The following NAALADL2 variants were observed in gnomAD, a reference collection of about 807,000 sequenced individuals.
NAALADL2 encodes the protein inactive N-acetylated-alpha-linked acidic dipeptidase-like protein 2.
A neutral mutation model predicts 87.2 loss-of-function variants in NAALADL2; 76 were observed. The observed-to-expected ratio is 0.87, with a 90% CI of 0.72 to 1.05. The LOEUF is 1.05. NAALADL2 is among the 50% of genes least tolerant of loss of function. The pLI is 0.00. For synonymous variants in NAALADL2, 354 were observed against 331.0 expected, an observed-to-expected ratio of 1.07 and a Z score of -0.75; for missense variants, 1,089 against 945.8, an observed-to-expected ratio of 1.15 and a Z score of -1.99.
chr3:175,354,647 T>G (rs187263865), intron 5 of NAALADL2, among the ~76,000 whole-genome samples: 178 of 152,132 alleles, frequency 1.2e-3, no homozygotes, highest in African/African-American at 3.9e-3. Context: ...ACATATACTA[T>G]TATTTTTGTT....
intron 12 of NAALADL2, among the ~76,000 whole-genome samples, chr3:175,739,613 G>T (rs889948688): frequency 6.6e-6 from 1 of 151,998 alleles, no homozygotes; most frequent in African/African-American, 2.4e-5. Context: ...AATCCCCATG[G>T]ACTTCACATC....
intron 1 of NAALADL2, among the ~76,000 whole-genome samples, chr3:174,546,961 G>T (rs1199169408): frequency 6.6e-6 from 1 of 152,020 alleles, no homozygotes; most frequent in East Asian, 1.9e-4. Context: ...AAATTTCCCA[G>T]TTCTTATTTT....
At chr3:175,272,237 A>G (rs1336361736) in intron 4 of NAALADL2, among the ~76,000 whole-genome samples, 2 of 152,206 alleles carry the variant, frequency 1.3e-5, no homozygotes, top group Non-Finnish European at 2.9e-5. Context: ...GGCAAATTCT[A>G]TACTTTTTAA....
At chr3:174,716,739 C>A (rs1303897230) in intron 2 of NAALADL2, among the ~76,000 whole-genome samples, 1 of 151,960 alleles carries the variant, frequency 6.6e-6, no homozygotes, top group African/African-American at 2.4e-5. Context: ...CACACACCTA[C>A]ACACATATAT....
chr3:174,765,143 C>CAT (rs150906568), intron 3 of NAALADL2, among the ~76,000 whole-genome samples: 307 of 124,626 alleles, frequency 2.5e-3, no homozygotes, highest in African/African-American at 1.0e-2. Context: ...CACACACACA[C>CAT]GAGAGAGAGA....
chr3:174,648,706 ATTAC>A (rs1724053928), intron 2 of NAALADL2, among the ~76,000 whole-genome samples: 2 of 152,066 alleles, frequency 1.3e-5, no homozygotes, highest in African/African-American at 2.4e-5. Context: ...AATATTTTTT[ATTAC>A]TTGATGCCAC....
intron 4 of NAALADL2, among the ~76,000 whole-genome samples, chr3:175,299,201 G>A (rs1250678006): frequency 2.6e-5 from 4 of 152,080 alleles, no homozygotes; most frequent in African/African-American, 7.2e-5. Context: ...GTCAGGTAGC[G>A]TGATGCCTCC....
intron 5 of NAALADL2, among the ~76,000 whole-genome samples, chr3:175,410,243 A>G (rs962671332): frequency 3.3e-5 from 5 of 152,314 alleles, no homozygotes; most frequent in Middle Eastern, 3.4e-3. Flanking sequence ...GTAATTGATT[A>G]CTTTTTATCA....
chr3:175,554,758 G>A (rs1259165450), intron 9 of NAALADL2, among the ~76,000 whole-genome samples: 2 of 151,962 alleles, frequency 1.3e-5, no homozygotes, highest in Non-Finnish European at 2.9e-5. Context: ...AATTACATTA[G>A]TACATATTTA....
chr3:174,614,478 G>A (rs1246683157), intron 2 of NAALADL2, among the ~76,000 whole-genome samples: 1 of 152,154 alleles, frequency 6.6e-6, no homozygotes, highest in African/African-American at 2.4e-5. Flanking sequence ...AAACAGGGCT[G>A]CACTGAGTCC....
At chr3:174,618,201 G>T (rs1045536032) in intron 2 of NAALADL2, among the ~76,000 whole-genome samples, 3 of 151,714 alleles carry the variant, frequency 2.0e-5, no homozygotes, top group Admixed American at 1.3e-4. Context: ...GGTCAGTACT[G>T]CTCCATAATT....
intron 2 of NAALADL2, among the ~76,000 whole-genome samples, chr3:174,628,190 A>G (rs770421643): frequency 1.3e-5 from 2 of 152,132 alleles, no homozygotes; most frequent in East Asian, 3.9e-4. Context: ...AAGATGATCT[A>G]TTTCTGGCCG....
chr3:174,841,173 T>A (rs576300805), intron 3 of NAALADL2, among the ~76,000 whole-genome samples: 16 of 152,246 alleles, frequency 1.1e-4, no homozygotes, highest in African/African-American at 3.9e-4. Context: ...TTCTCTACAG[T>A]TAATTTGTTG....
At chr3:175,149,200 G>A (rs1423272110) in intron 2 of NAALADL2, among the ~76,000 whole-genome samples, 1 of 151,960 alleles carries the variant, frequency 6.6e-6, no homozygotes, top group East Asian at 1.9e-4. Context: ...TTATCATTGT[G>A]CCTATTATAA....
At chr3:175,687,864 G>A (rs1489216965) in intron 11 of NAALADL2, among the ~76,000 whole-genome samples, 4 of 151,862 alleles carry the variant, frequency 2.6e-5, no homozygotes, top group Non-Finnish European at 2.9e-5. Flanking sequence ...GCCATGTGAT[G>A]CACCTGTTCC....
chr3:175,266,002 G>C (rs116814715), intron 4 of NAALADL2, among the ~76,000 whole-genome samples: 2,674 of 150,490 alleles, frequency 0.018, 67 homozygotes, highest in African/African-American at 0.061. Flanking sequence ...TTATAGTTAA[G>C]AATAAAGCTT....
At chr3:175,397,856 T>G (rs1476994552) in intron 5 of NAALADL2, among the ~76,000 whole-genome samples, 1 of 152,124 alleles carries the variant, frequency 6.6e-6, no homozygotes, top group Non-Finnish European at 1.5e-5. Flanking sequence ...TGGTGAAGAT[T>G]AGGGGCCTTT....
At chr3:175,051,273 C>T (rs1200523283) in intron 1 of NAALADL2, among the ~76,000 whole-genome samples, 1 of 152,166 alleles carries the variant, frequency 6.6e-6, no homozygotes, top group African/African-American at 2.4e-5. Context: ...CAAATGAACA[C>T]AAACTTAGTG....
chr3:175,674,449 A>G (rs543061826), intron 11 of NAALADL2, among the ~76,000 whole-genome samples: 1 of 151,868 alleles, frequency 6.6e-6, no homozygotes, highest in South Asian at 2.1e-4. Context: ...CATTTTTAGT[A>G]GAGAAGGGGT....
Sources: gnomAD v4.1 joint callset for allele counts (sites outside exome capture counted in the v4.1 genomes callset) on GRCh38, gnomAD v4.1.1 for gene constraint, MANE v1.5 for transcripts, NCBI Gene and HGNC (gene_info 2026-07-23, HGNC 2026-07-21) for gene names.